KIF11: variants seen among roughly 807,000 people sequenced by gnomAD.
The protein encoded by KIF11 is kinesin-like protein KIF11.
Under a neutral mutation model 121.0 loss-of-function variants are expected in KIF11, and 9 were observed. The ratio of observed to expected loss-of-function variants is 0.07; its 90% confidence interval spans 0.04 to 0.13. KIF11 has a LOEUF of 0.13. KIF11 is among the 10% of genes least tolerant of loss of function. The pLI is 1.00. For missense variants in KIF11, 846 were observed against 1,217.5 expected, an observed-to-expected ratio of 0.69 and a Z score of 4.54; for synonymous variants, 408 against 421.0, an observed-to-expected ratio of 0.97 and a Z score of 0.38.
At chr10:92,612,299 C>T (rs1308606784) in intron 6 of KIF11, among the ~76,000 whole-genome samples, 1 of 151,950 alleles carries the variant, frequency 6.6e-6, no homozygotes, top group African/African-American at 2.4e-5. Flanking sequence ...CCACGCCCAG[C>T]TAATTTTTAA....
At chr10:92,641,379 G>A (rs1425192225) in intron 17 of KIF11, among the ~76,000 whole-genome samples, 1 of 152,074 alleles carries the variant, frequency 6.6e-6, no homozygotes. Context: ...GACAGAAATT[G>A]TTTTTCTTTG....
intron 9 of KIF11, among the ~76,000 whole-genome samples, chr10:92,620,370 G>A (rs866497525): frequency 4.9e-4 from 75 of 152,238 alleles, no homozygotes; most frequent in African/African-American, 1.7e-3. Flanking sequence ...GTGAGCCACC[G>A]CGTCCGGCCA....
chr10:92,593,379 G>C lies in KIF11; in HGVS notation c.4G>C (p.Ala2Pro). Residue 2 changes from alanine (A) to proline (P), a missense_variant, in exon 1 of 22, where the codon GCG becomes CCG. Ala to Pro is a conservative substitution (Grantham distance 27, BLOSUM62 -1). Transcript: ENST00000260731. M[A>P]SQPNSSAKKK... ...TGATTTTTTGGCGGGGACCGTCATG[G>C]CGTCGCAGCCAAATTCGTCTGCGAA... is the stretch of plus-strand genomic sequence containing the variant. The C allele has an allele frequency of 6.2e-7, 1 of 1,607,534 alleles. No individual in the cohort carries two copies.
At chr10:92,607,806 A>T (rs554803587) in intron 4 of KIF11, among the ~76,000 whole-genome samples, 5 of 152,018 alleles carry the variant, frequency 3.3e-5, no homozygotes, top group South Asian at 2.1e-4. Context: ...TAAAACTTTT[A>T]AAAAAAAGTT....
chr10:92,635,537 T>C (rs908691986), intron 14 of KIF11, among the ~76,000 whole-genome samples: 3 of 152,236 alleles, frequency 2.0e-5, no homozygotes, highest in Admixed American at 6.5e-5. Flanking sequence ...TTACATTTGC[T>C]GTCTTATAGG....
chr10:92,599,658 CTT>C (rs879564897), intron 1 of KIF11, among the ~76,000 whole-genome samples: 11 of 137,410 alleles, frequency 8.0e-5, no homozygotes, highest in Admixed American at 2.2e-4. Flanking sequence ...GTTTTCTTTT[CTT>C]TTTTTTTTTT....
chr10:92,618,442 C>T (rs1162278356), intron 9 of KIF11, among the ~76,000 whole-genome samples: 2 of 151,400 alleles, frequency 1.3e-5, no homozygotes, highest in African/African-American at 4.8e-5. Flanking sequence ...ATCAGGAGTT[C>T]GAGACCAGCC....
At chr10:92,653,541 T>G in intron 21 of KIF11, 124 bp from the exon 22 acceptor site, 1 of 812,408 alleles carries the variant, frequency 1.2e-6, no homozygotes, top group Non-Finnish European at 1.9e-6. Context: ...GTGCTGAACC[T>G]TTTTTGGTTT....
rs1844517353 is a variant in KIF11, at chr10:92,613,401, A to G, written c.814A>G (p.Ile272Val). ...NLVDLAGSEN[I>V]GRSGAVDKRA... ...GGTTGATCTTGCAGGAAGTGAAAACATTGGCCGTTCTGGAGCTGTTGATAA... is the reference window on the plus strand; with the variant it reads ...GGTTGATCTTGCAGGAAGTGAAAACGTTGGCCGTTCTGGAGCTGTTGATAA... Residue 272 changes from isoleucine (I) to valine (V), a missense_variant, in exon 8 of 22, where the codon ATT becomes GTT. Ile to Val is a conservative substitution (Grantham distance 29, BLOSUM62 3). Transcript: ENST00000260731. The surrounding 1 kb of genome is among the most constrained non-coding windows in gnomAD (Gnocchi z 4.2). 1 of 1,609,628 alleles carries G rather than the reference A, an allele frequency of 6.2e-7. No homozygotes were observed. Among genetic ancestry groups the G allele is most frequent in the East Asian group, 2.2e-5 (1 of 44,846 alleles).
At chr10:92,601,583 G>C (rs1048282926) in intron 1 of KIF11, among the ~76,000 whole-genome samples, 1 of 150,572 alleles carries the variant, frequency 6.6e-6, no homozygotes, top group East Asian at 2.0e-4. Flanking sequence ...GCAAAAGTGG[G>C]CATTGGGCAT....
chr10:92,606,939 G>A (rs369416833), intron 3 of KIF11, among the ~76,000 whole-genome samples: 12 of 151,914 alleles, frequency 7.9e-5, no homozygotes, highest in South Asian at 4.2e-4. Flanking sequence ...CACCATGCCC[G>A]CTAATTTTTG....
intron 14 of KIF11, among the ~76,000 whole-genome samples, chr10:92,634,310 A>G (rs1055119715): frequency 1.4e-4 from 20 of 141,778 alleles, no homozygotes; most frequent in African/African-American, 7.9e-5. Flanking sequence ...ATTTGTATTT[A>G]TTTATTTTTT....
In KIF11 at chr10:92,650,644, A is replaced by C. The variant is rs375785244; in HGVS notation, c.3039+127A>C. The C allele has an allele frequency of 2.6e-5, 16 of 624,714 alleles. No homozygotes were observed. The East Asian group carries it at 4.0e-4, about 16-fold the overall frequency. 38.7% of individuals were successfully genotyped at this position (624,714 alleles called of 1,614,324 possible). A position where few individuals can be genotyped will look rare whatever the true frequency, so the allele number is the denominator to read the frequency against. ...CAATTATTCCTTAGGATGGCTTGTT[A>C]ACGCTTATGATTTGAATTATTTACA... On this transcript the variant is annotated intron_variant, in intron 21 of 21. Transcript: ENST00000260731.
At position 92,632,756 on chromosome 10, in the gene KIF11, A is replaced by ATAATT. The variant is rs10639509; in HGVS notation, c.1702+65_1702+69dup. 592,110 of 949,138 alleles carry ATAATT rather than the reference A, an allele frequency of 0.62. 194,497 individuals are homozygous for ATAATT. Among genetic ancestry groups the ATAATT allele is most frequent in the East Asian group, 0.93 (37,338 of 39,946 alleles). 58.8% of individuals were successfully genotyped at this position (949,138 alleles called of 1,614,324 possible). On this transcript the variant is annotated intron_variant, in intron 13 of 21. Coordinates refer to ENST00000260731, the MANE Select transcript of KIF11 (RefSeq NM_004523.4). ...AAGTGTAATGTTGATTTCAAAACTG[A>ATAATT]TAATTTTGTGAAACATAGATGACGG...
chr10:92,614,002 AAAAAG>A (rs1168403888), intron 8 of KIF11, among the ~76,000 whole-genome samples: 7 of 146,540 alleles, frequency 4.8e-5, no homozygotes, highest in Non-Finnish European at 1.0e-4. Context: ...GTGTATAAAA[AAAAAG>A]AAAAGTATGT....
intron 10 of KIF11, among the ~76,000 whole-genome samples, chr10:92,621,892 T>C (rs11817621): frequency 0.13 from 19,502 of 152,154 alleles, 3,344 homozygotes; most frequent in African/African-American, 0.39. Flanking sequence ...AATTTTTAAA[T>C]CATTAATTCA....
chr10:92,613,198 CT>C lies in KIF11; in HGVS notation c.789+70del. The stretch of plus-strand genomic sequence containing the variant: ...TTATAGAGCAGCTTGAAATTTTGTC[CT>C]TGAGACAAAATTTTTGTGGTCACTG... On this transcript the variant is annotated intron_variant, in intron 7 of 21. Coordinates refer to ENST00000260731, the MANE Select transcript of KIF11 (RefSeq NM_004523.4). This position sits in a 1 kb window ranked among gnomAD's most constrained non-coding sequence, Gnocchi z 4.2. The C allele has an allele frequency of 7.6e-7, 1 of 1,312,582 alleles. No homozygotes were observed. Among genetic ancestry groups the C allele is most frequent in the Non-Finnish European group, 1.1e-6 (1 of 943,124 alleles). 81.3% of individuals were successfully genotyped at this position (1,312,582 alleles called of 1,614,324 possible).
chr10:92,643,823 A>G (rs1027006431), intron 17 of KIF11, among the ~76,000 whole-genome samples: 1 of 152,096 alleles, frequency 6.6e-6, no homozygotes, highest in Non-Finnish European at 1.5e-5. Context: ...TTTTAATTGC[A>G]TATGTGGCTT....
At chr10:92,625,146 T>C (rs1166225945) in intron 10 of KIF11, among the ~76,000 whole-genome samples, 2 of 152,170 alleles carry the variant, frequency 1.3e-5, no homozygotes. Flanking sequence ...ATTAGTAGCA[T>C]ATAAGCGTTC....
Sources: gnomAD v4.1 joint callset for allele counts (sites outside exome capture counted in the v4.1 genomes callset) on GRCh38, gnomAD v4.1.1 for gene constraint, Gnocchi (gnomAD v3.1) non-coding constraint, MANE v1.5 for transcripts, NCBI Gene and HGNC (gene_info 2026-07-23, HGNC 2026-07-21) for gene names.